Variants in TCF25 observed in about 807,000 individuals in gnomAD.
TCF25 encodes the protein ribosome quality control complex subunit TCF25.
Under a neutral mutation model 83.1 loss-of-function variants are expected in TCF25, and 41 were observed. That is an observed-to-expected ratio of 0.49 (90% CI 0.38 to 0.64). TCF25 has a LOEUF of 0.64. Among genes scored for constraint, TCF25 ranks in the 30% least tolerant of loss-of-function variants. The pLI is 0.00. For synonymous variants in TCF25, 458 were observed against 365.0 expected, an observed-to-expected ratio of 1.25 and a Z score of -2.90; for missense variants, 979 against 914.5, an observed-to-expected ratio of 1.07 and a Z score of -0.91.
At chr16:89,883,233 C>T (rs2042739863) in intron 1 of TCF25, 118 bp from the exon 2 acceptor site, 2 of 1,393,100 alleles carry the variant, frequency 1.4e-6, no homozygotes, top group Non-Finnish European at 9.8e-7. Context: ...CGTCCAGCGT[C>T]TCGCACTGAC....
intron 11 of TCF25, among the ~76,000 whole-genome samples, chr16:89,900,308 T>G (rs2044219929): frequency 7.5e-6 from 1 of 132,572 alleles, no homozygotes; most frequent in African/African-American, 2.5e-5. Flanking sequence ...CTCTCGTCTG[T>G]AAATTTTCCA....
rs770968280 is a variant in TCF25, at chr16:89,909,072, C to T, written c.1800-1519C>T. The T allele has an allele frequency of 4.8e-5, 62 of 1,289,508 alleles. No individual in the cohort carries two copies. In the African/African-American group the frequency reaches 4.9e-4, roughly 10 times the overall value. 79.9% of individuals were successfully genotyped at this position (1,289,508 alleles called of 1,614,324 possible). A position where few individuals can be genotyped will look rare whatever the true frequency, so the allele number is the denominator to read the frequency against. On this transcript the variant is annotated intron_variant, in intron 16 of 17. Transcript: ENST00000263346. ...GAATGTACAAGCGCTTGCGTGTCGG[C>T]CTCTGTGGCAGGTGCGAGTGACACA...
At chr16:89,900,971 G>A (rs571374525) in intron 12 of TCF25, 177 bp downstream of exon 12, 9 of 700,626 alleles carry the variant, frequency 1.3e-5, no homozygotes, top group South Asian at 3.3e-5. Context: ...GGCTCATCTC[G>A]GAACCCGCTG....
At chr16:89,892,305 G>A in intron 6 of TCF25, 30 bp downstream of exon 6, 1 of 1,595,646 alleles carries the variant, frequency 6.3e-7, no homozygotes, top group Non-Finnish European at 8.5e-7. Flanking sequence ...GCTGGGGATG[G>A]AGGGTTGGGG....
intron 16 of TCF25, 152 bp downstream of exon 16, chr16:89,907,474 C>G: frequency 1.2e-5 from 1 of 80,394 alleles, no homozygotes; most frequent in Non-Finnish European, 2.0e-5. Context: ...CTCCTCCCAC[C>G]TCCCACCTCC....
intron 1 of TCF25, among the ~76,000 whole-genome samples, chr16:89,875,819 GC>G (rs2143890198): frequency 9.4e-6 from 1 of 106,822 alleles, no homozygotes; most frequent in African/African-American, 4.1e-5. Context: ...ACTGCGCCTG[GC>G]TTTTTTTTTT....
rs766122080 is a variant in TCF25, at chr16:89,911,188, C to A, written c.1981C>A (p.Leu661Met). The A allele has an allele frequency of 2.5e-6, 4 of 1,612,392 alleles. No individual in the cohort carries two copies. The African/African-American group carries it at 5.3e-5, about 22-fold the overall frequency. ...DMMANFHLND[L>M]EAPHEDDAEG... ...GATGGCCAACTTCCACCTCAACGAC[C>A]TGGAGGCGCCGCACGAGGACGACGC... The change falls in exon 18 of 18, where the codon CTG (leucine) becomes ATG (methionine). Residue 661 changes from leucine (L) to methionine (M), a missense_variant. Coordinates refer to ENST00000263346, the MANE Select transcript of TCF25 (RefSeq NM_014972.3).
In TCF25 at chr16:89,893,755, A is replaced by G. The variant is rs1419996410; in HGVS notation, c.725A>G (p.Lys242Arg). 5 of 1,613,978 alleles carry G rather than the reference A, an allele frequency of 3.1e-6. No individual in the cohort carries two copies. The highest frequency in any genetic ancestry group is 1.7e-5 in the Admixed American group (1 of 60,024). The part of the protein sequence containing the change: ...PGLSMRLLES[K>R]KGLSFFAFEH... ...CTGTCCATGCGGCTGCTGGAATCAA[A>G]AAAAGGCCTCTCCTTCTTTGCGTTT... The change falls in exon 7 of 18, where the codon AAA (lysine) becomes AGA (arginine). Residue 242 changes from lysine (K) to arginine (R), a missense_variant. Physicochemically the swap from Lys to Arg is conservative, Grantham distance 26 (BLOSUM62 2). Coordinates refer to ENST00000263346, the MANE Select transcript of TCF25 (RefSeq NM_014972.3).
At chr16:89,909,509 CAAA>C (rs11356338) in intron 16 of TCF25, 31 of 63,954 alleles carry the variant, frequency 4.8e-4, no homozygotes, top group South Asian at 2.6e-3. Flanking sequence ...GACTCCGTCT[CAAA>C]AAAAAAAAAA....
chr16:89,907,486 A>G (rs1255009525), intron 16 of TCF25, among the ~76,000 whole-genome samples, 164 bp downstream of exon 16: 9 of 35,362 alleles, frequency 2.5e-4, no homozygotes, highest in East Asian at 1.5e-3. Context: ...CCCACCTCCC[A>G]GCTCCCACCT....
At chr16:89,902,428 G>A (rs1328007717) in intron 12 of TCF25, among the ~76,000 whole-genome samples, 4 of 84,614 alleles carry the variant, frequency 4.7e-5, no homozygotes, top group Non-Finnish European at 7.2e-5. Flanking sequence ...GGTGGCTCAC[G>A]CCTGTAATCC....
At chr16:89,903,928 A>C (rs1315417431) in intron 12 of TCF25, among the ~76,000 whole-genome samples, 190 bp from the exon 13 acceptor site, 1 of 152,196 alleles carries the variant, frequency 6.6e-6, no homozygotes, top group Non-Finnish European at 1.5e-5. Flanking sequence ...CCCCAGCCTC[A>C]GACCCTGGGC....
intron 1 of TCF25, among the ~76,000 whole-genome samples, chr16:89,874,333 A>G (rs934389832): frequency 9.0e-6 from 1 of 111,012 alleles, no homozygotes; most frequent in Non-Finnish European, 1.8e-5. Flanking sequence ...TGGCGAGGCG[A>G]TGGCGTGGGC....
In TCF25 at chr16:89,900,758, C is replaced by A. The variant is rs539882125; in HGVS notation, c.1345C>A (p.Leu449Ile). The A allele has an allele frequency of 1.9e-6, 3 of 1,593,998 alleles. No individual in the cohort carries two copies. Among genetic ancestry groups the A allele is most frequent in the South Asian group, 2.2e-5 (2 of 90,578 alleles). Residue 449 changes from leucine to isoleucine, a missense_variant, in exon 12 of 18, where the codon CTC becomes ATC. Physicochemically the swap from Leu to Ile is conservative, Grantham distance 5. Coordinates refer to ENST00000263346, the MANE Select transcript of TCF25 (RefSeq NM_014972.3). The part of the protein sequence containing the change: ...EQSSARQKAS[L>I]LIQQALTMFP... ...GAGCTCTGCCAGGCAGAAGGCCTCT[C>A]TCCTGATACAGCAGGCGCTCACCAT...
Position 89,896,060 on chromosome 16 carries a change from G to A in TCF25, c.999G>A (p.Leu333=). Residue 333 remains leucine, a synonymous_variant, in exon 9 of 18, where the codon CTG becomes CTA. Coordinates refer to ENST00000263346, the MANE Select transcript of TCF25 (RefSeq NM_014972.3). ...LFSLTSGACR[L]DYRRPENRSF... ...GTCTCACCAGTGGGGCCTGCCGGCT[G>A]GATTACCGCAGACCCGAGAACAGGT... 6.2e-7 allele frequency: 1 copy of A among 1,613,776 alleles called. No homozygotes were observed.
intron 5 of TCF25, chr16:89,889,702 C>T (rs1450630422): frequency 6.5e-6 from 1 of 153,606 alleles, no homozygotes; most frequent in Non-Finnish European, 1.4e-5. Context: ...AGGCATGTGC[C>T]ACCATGTCCA....
chr16:89,879,269 G>C (rs539266293), intron 1 of TCF25, among the ~76,000 whole-genome samples: 2 of 148,998 alleles, frequency 1.3e-5, no homozygotes, highest in Admixed American at 1.3e-4. Context: ...TTCGGGGCCT[G>C]TCACACGTGT....
chr16:89,909,545 G>C (rs2045366371), intron 16 of TCF25: 1 of 163,874 alleles, frequency 6.1e-6, no homozygotes, highest in South Asian at 1.5e-4. Flanking sequence ...GGGCGTGGTG[G>C]GTTGTGCCTG....
At chr16:89,892,526 A>C (rs1162525934) in intron 6 of TCF25, among the ~76,000 whole-genome samples, 7 of 152,132 alleles carry the variant, frequency 4.6e-5, no homozygotes. Flanking sequence ...TGAGGGCCTG[A>C]GTGCTGGAGG....
Sources: gnomAD v4.1 joint callset for allele counts (sites outside exome capture counted in the v4.1 genomes callset) on GRCh38, gnomAD v4.1.1 for gene constraint, MANE v1.5 for transcripts, NCBI Gene and HGNC (gene_info 2026-07-23, HGNC 2026-07-21) for gene names.